Variants in ARHGAP39 observed in about 807,000 individuals in gnomAD.
The protein encoded by ARHGAP39 is rho GTPase-activating protein 39.
In ARHGAP39, 44 loss-of-function variants were observed where a neutral mutation model predicts 106.9. The ratio of observed to expected loss-of-function variants is 0.41; its 90% CI spans 0.32 to 0.53. The LOEUF (loss-of-function observed/expected upper bound fraction) is 0.53. Ranked by LOEUF, ARHGAP39 falls within the 20% of genes least tolerant of loss-of-function variation. ARHGAP39 has a pLI of 0.21. For synonymous variants in ARHGAP39, 768 were observed against 693.2 expected, an observed-to-expected ratio of 1.11 and a Z score of -1.69; for missense variants, 1,496 against 1,577.3, an observed-to-expected ratio of 0.95 and a Z score of 0.87.
intron 3 of ARHGAP39, among the ~76,000 whole-genome samples, chr8:144,572,883 C>T (rs1818634372): frequency 6.6e-6 from 1 of 152,218 alleles, no homozygotes; most frequent in African/African-American, 2.4e-5. Context: ...ATGCTCATCA[C>T]TGGCCATCAG....
chr8:144,631,190 A>C (rs568576664), intron 1 of ARHGAP39, among the ~76,000 whole-genome samples: 2 of 152,324 alleles, frequency 1.3e-5, no homozygotes, highest in Non-Finnish European at 1.5e-5. Context: ...ATCCACCCCC[A>C]TGATCCAAAC....
In ARHGAP39 at chr8:144,568,088, T is replaced by C. The variant is rs1818466302; in HGVS notation, c.513-12445A>G. 1.3e-5 allele frequency among the ~76,000 whole-genome samples: 2 copies of C among 152,078 alleles called. 1 individual carries two copies. The highest frequency in any genetic ancestry group is 4.8e-5 in the African/African-American group (2 of 41,416). On this transcript the variant is annotated intron_variant, in intron 3 of 11. Transcript: ENST00000377307. ...GGCTGATGCCTGTAATCCCAGCACCTTGGGAGGCTGAGGTGGGCAGATCAC... is the reference window on the plus strand; with the variant it reads ...GGCTGATGCCTGTAATCCCAGCACCCTGGGAGGCTGAGGTGGGCAGATCAC...
intron 3 of ARHGAP39, among the ~76,000 whole-genome samples, chr8:144,572,876 C>CTCA (rs1286447731): frequency 6.6e-6 from 1 of 152,164 alleles, no homozygotes; most frequent in Non-Finnish European, 1.5e-5. Context: ...TGAAAATATG[C>CTCA]TCATCACTGG....
At chr8:144,537,914 T>C (rs1817029569) in intron 6 of ARHGAP39, 101 bp from the exon 7 acceptor site, 4 of 1,014,748 alleles carry the variant, frequency 3.9e-6, no homozygotes, top group African/African-American at 3.2e-5. Flanking sequence ...CCTGGGCCTG[T>C]TGGGGGCTCA....
intron 1 of ARHGAP39, among the ~76,000 whole-genome samples, chr8:144,627,092 C>G (rs1200229966): frequency 1.3e-5 from 2 of 152,236 alleles, no homozygotes; most frequent in Middle Eastern, 3.2e-3. Flanking sequence ...TGTCCTGGAA[C>G]CCAGCCCCTC....
chr8:144,547,632 G>T lies in ARHGAP39; in HGVS notation c.1454C>A (p.Thr485Lys), dbSNP rs767780341. Residue 485 changes from threonine (T) to lysine (K), a missense_variant, in exon 5 of 12, where the codon ACA (threonine) becomes AAA (lysine). Transcript: ENST00000377307. The surrounding 1 kb of genome is among the most constrained non-coding windows in gnomAD (Gnocchi z 5.2). Reference sequence around the variant, plus strand: ...CTTGCGCGTGCCCGGGGAGTAGCCTGTGGAGGACAGGGTGTCCTGCTGGCT... The same window carrying T: ...CTTGCGCGTGCCCGGGGAGTAGCCTTTGGAGGACAGGGTGTCCTGCTGGCT... ...WSSQQDTLSSTGYSPGTRKRK... is the reference protein window; with the variant it reads ...WSSQQDTLSSKGYSPGTRKRK... The T allele has an allele frequency of 1.3e-6, 2 of 1,521,454 alleles. No homozygotes were observed. The highest frequency in any genetic ancestry group is 1.2e-5 in the South Asian group (1 of 81,192). 94.2% of individuals were successfully genotyped at this position (1,521,454 alleles called of 1,614,324 possible).
At chr8:144,552,841 T>C (rs1326107286) in intron 4 of ARHGAP39, among the ~76,000 whole-genome samples, 1 of 152,176 alleles carries the variant, frequency 6.6e-6, no homozygotes, top group African/African-American at 2.4e-5. Flanking sequence ...ATATAATTTA[T>C]TTCACAGGGA....
At chr8:144,594,073 A>C (rs903424666) in intron 2 of ARHGAP39, among the ~76,000 whole-genome samples, 4 of 146,968 alleles carry the variant, frequency 2.7e-5, no homozygotes, top group African/African-American at 1.0e-4. Context: ...TGGGCGACAA[A>C]GTGAGACTCC....
At chr8:144,648,785 A>G (rs1417982762) in intron 1 of ARHGAP39, among the ~76,000 whole-genome samples, 1 of 152,212 alleles carries the variant, frequency 6.6e-6, no homozygotes, top group East Asian at 1.9e-4. Context: ...GGCAGAAATC[A>G]AGAAGTTCCT....
chr8:144,601,466 G>C (rs549276958), intron 2 of ARHGAP39, among the ~76,000 whole-genome samples: 1 of 143,942 alleles, frequency 6.9e-6, no homozygotes, highest in African/African-American at 2.6e-5. Context: ...GTGCGTGGAG[G>C]TGTGTGTGCG....
chr8:144,555,221 A>G (rs1273336356), intron 4 of ARHGAP39, among the ~76,000 whole-genome samples: 2 of 152,254 alleles, frequency 1.3e-5, no homozygotes, highest in Non-Finnish European at 2.9e-5. Context: ...CGGGCCTGGC[A>G]AGTGCTTTGG....
intron 2 of ARHGAP39, among the ~76,000 whole-genome samples, chr8:144,599,896 G>A (rs912651539): frequency 6.6e-6 from 1 of 152,202 alleles, no homozygotes; most frequent in Non-Finnish European, 1.5e-5. Flanking sequence ...TATCAGATGA[G>A]CAAGTGAGTA....
At chr8:144,554,509 G>A (rs974079547) in intron 4 of ARHGAP39, among the ~76,000 whole-genome samples, 1 of 152,214 alleles carries the variant, frequency 6.6e-6, no homozygotes, top group Non-Finnish European at 1.5e-5. Flanking sequence ...ACAAAGACCA[G>A]GTGGGCACGT....
At position 144,547,550 on chromosome 8, in the gene ARHGAP39, G is replaced by A. The variant is rs202232802; in HGVS notation, c.1536C>T (p.Gly512=). ...CQATSATPTE[G]PGDLLVEQPL... ...GCTGCTCCACAAGCAGGTCCCCGGG[G>A]CCCTCAGTGGGGGTGGCGCTGGTGG... The change falls in exon 5 of 12, where the codon GGC becomes GGT. Residue 512 remains glycine, a synonymous_variant. Transcript: ENST00000377307. The surrounding 1 kb of genome is among the most constrained non-coding windows in gnomAD (Gnocchi z 5.2). 2.0e-3 allele frequency: 2,975 copies of A among 1,473,580 alleles called. 6 individuals carry two copies. The highest frequency in any genetic ancestry group is 2.5e-3 in the Non-Finnish European group (2,832 of 1,115,594). The allele number at this position is 1,473,580 out of a possible 1,614,324, so 91.3% of individuals were successfully genotyped here.
chr8:144,672,367 G>A (rs1822121742), intron 1 of ARHGAP39, among the ~76,000 whole-genome samples: 1 of 152,216 alleles, frequency 6.6e-6, no homozygotes, highest in East Asian at 1.9e-4. Context: ...AAGGCTAACA[G>A]TAAACTCAAC....
chr8:144,580,559 C>T (rs545517151), intron 3 of ARHGAP39, among the ~76,000 whole-genome samples: 3 of 152,192 alleles, frequency 2.0e-5, no homozygotes, highest in South Asian at 4.1e-4. Context: ...ACACTGAGTC[C>T]CCTGGGTCCC....
In ARHGAP39 at chr8:144,616,741, C is replaced by T. The variant is rs560414295; in HGVS notation, c.-81-11046G>A. Among the ~76,000 whole-genome samples, 4 of 152,240 alleles carry T rather than the reference C, an allele frequency of 2.6e-5. No individual in the cohort carries two copies. In the East Asian group the frequency reaches 5.8e-4, roughly 22 times the overall value. On this transcript the variant is annotated intron_variant, in intron 1 of 11. Coordinates refer to ENST00000377307, the MANE Select transcript of ARHGAP39 (RefSeq NM_025251.3). The stretch of plus-strand genomic sequence containing the variant: ...CGGGTGCAGGAGGACCTGGGTCCCA[C>T]GAAGGACGGCGAGTGCCAGTGGCAT...
At position 144,530,560 on chromosome 8, in the gene ARHGAP39, G is replaced by A. The variant is rs1351940410; in HGVS notation, c.3207C>T (p.Ala1069=). The change falls in exon 12 of 12, where the codon GCC becomes GCT. Residue 1069 remains alanine (A), a synonymous_variant. Coordinates refer to ENST00000377307, the MANE Select transcript of ARHGAP39 (RefSeq NM_025251.3). ...GCAAGCAGTTGGGCGCCATCACCAT[G>A]GCCAGGTTGCTGACATCCATCTTGG... The part of the protein sequence containing the change: ...AVTKMDVSNL[A]MVMAPNCLRC... 2 of 1,612,016 alleles carry A rather than the reference G, an allele frequency of 1.2e-6. No homozygotes were observed. The highest frequency in any genetic ancestry group is 1.3e-5 in the African/African-American group (1 of 74,978).
rs778326683 is a variant in ARHGAP39, at chr8:144,548,158, G to A, written c.928C>T (p.Pro310Ser). Residue 310 changes from proline (P) to serine (S), a missense_variant, in exon 5 of 12, where the codon CCC becomes TCC. Pro to Ser is a moderately conservative substitution (Grantham distance 74, BLOSUM62 -1). Transcript: ENST00000377307. This position sits in a 1 kb window ranked among gnomAD's most constrained non-coding sequence, Gnocchi z 7.4. ...QPSSPRYGYE[P>S]PLYEEPPVEY... ...ACTGGGGGCTCCTCGTAGAGCGGGGGTTCATAGCCATAGCGCGGGGAGGAG... is the reference window on the plus strand; with the variant it reads ...ACTGGGGGCTCCTCGTAGAGCGGGGATTCATAGCCATAGCGCGGGGAGGAG... The A allele has an allele frequency of 4.4e-6, 7 of 1,574,228 alleles. No homozygotes were observed. The highest frequency in any genetic ancestry group is 5.2e-6 in the Non-Finnish European group (6 of 1,158,862).
Sources: allele counts gnomAD v4.1 joint callset (sites outside exome capture counted in the v4.1 genomes callset), GRCh38; gene constraint gnomAD v4.1.1; non-coding constraint Gnocchi (gnomAD v3.1); transcripts MANE v1.5; gene names NCBI Gene and HGNC (gene_info 2026-07-23, HGNC 2026-07-21).